Variants in PTPA observed in about 807,000 individuals in gnomAD.
The protein encoded by PTPA is serine/threonine-protein phosphatase 2A activator.
In PTPA, 13 loss-of-function variants were observed where a neutral mutation model predicts 43.6. That is an observed-to-expected ratio of 0.30 (90% confidence interval 0.19 to 0.47). The LOEUF (loss-of-function observed/expected upper bound fraction) is 0.47. PTPA is among the 20% of genes least tolerant of loss of function. The probability of loss-of-function intolerance (pLI) is 0.99; values close to 1 mark genes in which losing one functional copy is unlikely to be tolerated. For synonymous variants in PTPA, 172 were observed against 158.2 expected, an observed-to-expected ratio of 1.09 and a Z score of -0.66; for missense variants, 329 against 411.9, an observed-to-expected ratio of 0.80 and a Z score of 1.74.
At chr9:129,142,422 A>C in intron 8 of PTPA, 23 bp from the exon 9 acceptor site, 1 of 1,548,248 alleles carries the variant, frequency 6.5e-7, no homozygotes, top group Non-Finnish European at 8.7e-7. Context: ...CTGTCTCTTC[A>C]GCTTGTGGCT....
Position 129,148,396 on chromosome 9 carries a change from G to A in PTPA, c.*932G>A. 1 of 152,856 alleles carries A rather than the reference G, an allele frequency of 6.5e-6. No homozygotes were observed. The highest frequency in any genetic ancestry group is 2.1e-4 in the South Asian group (1 of 4,844). 9.5% of individuals were successfully genotyped at this position (152,856 alleles called of 1,614,324 possible). A position where few individuals can be genotyped will look rare whatever the true frequency, so the allele number is the denominator to read the frequency against. ...TTCTGCTACCTTTGCGCTGCTGTGA[G>A]CCTCACCCTGGGCCCCTGGGCCCTG... On this transcript the variant is annotated 3_prime_UTR_variant, in exon 10 of 10. Transcript: ENST00000393370.
At chr9:129,138,705 C>A (rs1221036763) in intron 8 of PTPA, among the ~76,000 whole-genome samples, 1 of 152,130 alleles carries the variant, frequency 6.6e-6, no homozygotes, top group African/African-American at 2.4e-5. Flanking sequence ...TATTCTGAGC[C>A]CCCGACGAGG....
chr9:129,142,758 G>A (rs1181346294), intron 9 of PTPA: 1 of 1,536,316 alleles, frequency 6.5e-7, no homozygotes, highest in Admixed American at 2.0e-5. Flanking sequence ...AGCCACCCCA[G>A]CCCCGAAAAG....
chr9:129,133,303 G>T (rs1374503565), intron 5 of PTPA, among the ~76,000 whole-genome samples: 6 of 152,202 alleles, frequency 3.9e-5, no homozygotes, highest in African/African-American at 1.4e-4. Context: ...ACCGGGTGGG[G>T]CTTTGACTAA....
intron 3 of PTPA, among the ~76,000 whole-genome samples, chr9:129,124,760 T>C (rs548962244): frequency 6.6e-6 from 1 of 152,232 alleles, no homozygotes; most frequent in Non-Finnish European, 1.5e-5. Context: ...CCCTTTACTT[T>C]GGCCTACCCA....
In PTPA at chr9:129,137,613, G is replaced by A; in HGVS notation, c.707G>A (p.Arg236Lys). 6 of 1,612,826 alleles carry A rather than the reference G, an allele frequency of 3.7e-6. No individual in the cohort carries two copies. Among genetic ancestry groups the A allele is most frequent in the Non-Finnish European group, 5.1e-6 (6 of 1,179,466 alleles). The change falls in exon 8 of 10, where the codon AGA becomes AAA. Residue 236 changes from arginine (R) to lysine (K), a missense_variant. Arg to Lys is a conservative substitution (Grantham distance 26). Transcript: ENST00000393370. ...QLIDHPYLEP[R>K]HFVDEKAVNE... The stretch of plus-strand genomic sequence containing the variant: ...CCAGACCACCCATACCTGGAGCCCA[G>A]ACACTTTGTGGATGAGAAGGCCGTG...
At chr9:129,132,066 C>T (rs1007711809) in intron 5 of PTPA, among the ~76,000 whole-genome samples, 5 of 152,192 alleles carry the variant, frequency 3.3e-5, no homozygotes, top group Non-Finnish European at 7.3e-5. Context: ...CCTTGAACCC[C>T]TTGTCTCTTA....
chr9:129,113,612 A>G (rs112557405), intron 1 of PTPA, among the ~76,000 whole-genome samples: 1,864 of 151,964 alleles, frequency 0.012, 47 homozygotes, highest in African/African-American at 0.042. Flanking sequence ...TGTATTCAAA[A>G]TACAAAAATT....
At position 129,143,518 on chromosome 9, in the gene PTPA, G is replaced by A. The variant is rs1178724769; in HGVS notation, c.894+966G>A. The stretch of plus-strand genomic sequence containing the variant: ...CTTCCTGGATCCCATCAGCAGAGGC[G>A]GGACAACGGGGAAGGGTGCCAGAGG... On this transcript the variant is annotated intron_variant, in intron 9 of 9. Coordinates refer to ENST00000393370, the MANE Select transcript of PTPA (RefSeq NM_178000.3). The A allele has an allele frequency of 4.1e-5, 28 of 690,220 alleles. No homozygotes were observed. The Admixed American group carries it at 5.8e-4, about 14-fold the overall frequency. 42.8% of individuals were successfully genotyped at this position (690,220 alleles called of 1,614,324 possible).
At chr9:129,117,853 T>C (rs1415377016) in intron 1 of PTPA, among the ~76,000 whole-genome samples, 4 of 151,196 alleles carry the variant, frequency 2.6e-5, no homozygotes, top group Non-Finnish European at 4.4e-5. Context: ...TGTGCCGTCA[T>C]GTCAGGCTAA....
In PTPA at chr9:129,130,037, A is replaced by G. The variant is rs544103154; in HGVS notation, c.342+927A>G. ...ATGGAGCCATTGCACACCCACTTGGAATGCTAGCTGCATACTCCATGGTGT... is the reference window on the plus strand; with the variant it reads ...ATGGAGCCATTGCACACCCACTTGGGATGCTAGCTGCATACTCCATGGTGT... On this transcript the variant is annotated intron_variant, in intron 4 of 9. Transcript: ENST00000393370. Among the ~76,000 whole-genome samples, 11 of 152,294 alleles carry G rather than the reference A, an allele frequency of 7.2e-5. No individual in the cohort carries two copies. In the South Asian group the frequency reaches 2.3e-3, roughly 32 times the overall value.
chr9:129,129,475 C>CTT (rs1257781749), intron 4 of PTPA, among the ~76,000 whole-genome samples: 1 of 144,322 alleles, frequency 6.9e-6, no homozygotes, highest in East Asian at 2.0e-4. Context: ...TTTATTTTAT[C>CTT]TTTTTTTTTT....
At position 129,147,236 on chromosome 9, in the gene PTPA, G is replaced by A. The variant is rs191205698; in HGVS notation, c.895-151G>A. 2.3e-4 allele frequency: 151 copies of A among 664,514 alleles called. 1 individual carries two copies. The East Asian group carries it at 3.3e-3, about 15-fold the overall frequency. 41.2% of individuals were successfully genotyped at this position (664,514 alleles called of 1,614,324 possible). ...GTGGGTGTCTTTGGATAGAAGGAGT[G>A]AGGAACTGGGGGAGGAAGGCCTGGG... On this transcript the variant is annotated intron_variant, in intron 9 of 9. Coordinates refer to ENST00000393370, the MANE Select transcript of PTPA (RefSeq NM_178000.3).
chr9:129,127,376 C>T (rs888059594), intron 3 of PTPA, among the ~76,000 whole-genome samples: 8 of 152,322 alleles, frequency 5.3e-5, no homozygotes, highest in African/African-American at 1.4e-4. Flanking sequence ...CCCTCCCAGG[C>T]GCAACTTCTC....
chr9:129,133,025 A>C (rs1197942030), intron 5 of PTPA, among the ~76,000 whole-genome samples: 2 of 152,050 alleles, frequency 1.3e-5, no homozygotes, highest in Admixed American at 1.3e-4. Context: ...TCTCAAAAAT[A>C]TAGAAGGGAG....
At chr9:129,139,575 CGTTGT>C (rs1850619244) in intron 8 of PTPA, 1 of 152,230 alleles carries the variant, frequency 6.6e-6, no homozygotes, top group African/African-American at 2.4e-5. Flanking sequence ...TTGCAGCACA[CGTTGT>C]GTTGGTTCTC....
chr9:129,139,617 G>C lies in PTPA; in HGVS notation c.786+1925G>C, dbSNP rs1291963403. On this transcript the variant is annotated intron_variant, in intron 8 of 9. Coordinates refer to ENST00000393370, the MANE Select transcript of PTPA (RefSeq NM_178000.3). ...AGAGCGCCCACCCTCTTCCACCTCGGAGCAGTGAGCAGCATTTTGCAGTCC... is the reference window on the plus strand; with the variant it reads ...AGAGCGCCCACCCTCTTCCACCTCGCAGCAGTGAGCAGCATTTTGCAGTCC... The C allele has an allele frequency of 3.9e-5, 6 of 152,226 alleles. No individual in the cohort carries two copies. In the East Asian group the frequency reaches 1.2e-3, roughly 29 times the overall value. 9.4% of individuals were successfully genotyped at this position (152,226 alleles called of 1,614,324 possible). A position where few individuals can be genotyped will look rare whatever the true frequency, so the allele number is the denominator to read the frequency against.
chr9:129,111,218 G>A (rs1848445905), upstream of PTPA: 7 of 1,136,902 alleles, frequency 6.2e-6, no homozygotes, highest in Non-Finnish European at 7.8e-6. Context: ...ACATGGCTGA[G>A]CACAACCCAA....
intron 8 of PTPA, 153 bp from the exon 9 acceptor site, chr9:129,142,292 T>C (rs1251819054): frequency 3.2e-6 from 2 of 628,880 alleles, no homozygotes; most frequent in African/African-American, 3.7e-5. Context: ...GCAGATGCTA[T>C]AGCTTGGTCC....
Sources: allele counts gnomAD v4.1 joint callset (sites outside exome capture counted in the v4.1 genomes callset), GRCh38; gene constraint gnomAD v4.1.1; transcripts MANE v1.5; gene names NCBI Gene and HGNC (gene_info 2026-07-23, HGNC 2026-07-21).